ZNF160: variants seen among roughly 807,000 people sequenced by gnomAD.
ZNF160 encodes KRAB zinc finger protein KR18.
In ZNF160, 9 loss-of-function variants were observed where a neutral mutation model predicts 13.1. That is an observed-to-expected ratio of 0.69 (90% CI 0.41 to 1.20). The LOEUF (loss-of-function observed/expected upper bound fraction) is 1.20. Ranked by LOEUF, ZNF160 falls within the 50% of genes most tolerant of loss-of-function variation. The pLI, the probability that ZNF160 is intolerant of heterozygous loss-of-function variation, is 0.01. For synonymous variants in ZNF160, 293 were observed against 333.2 expected, an observed-to-expected ratio of 0.88 and a Z score of 1.31; for missense variants, 838 against 988.0, an observed-to-expected ratio of 0.85 and a Z score of 2.04.
At chr19:53,082,965 AG>A (rs1325966185) in intron 3 of ZNF160, among the ~76,000 whole-genome samples, 5 of 152,198 alleles carry the variant, frequency 3.3e-5, no homozygotes, top group African/African-American at 4.8e-5. Flanking sequence ...CACAGACCTC[AG>A]GGAGACACTT....
intron 1 of ZNF160, among the ~76,000 whole-genome samples, chr19:53,096,206 G>GA (rs1341746610): frequency 2.0e-5 from 3 of 152,210 alleles, no homozygotes; most frequent in African/African-American, 7.2e-5. Flanking sequence ...GAGACAGAAC[G>GA]AGACTCCGTC....
chr19:53,075,238 C>T, intron 3 of ZNF160, 55 bp from the exon 4 acceptor site: 1 of 1,597,602 alleles, frequency 6.3e-7, no homozygotes, highest in East Asian at 2.2e-5. Context: ...CAAAATTTCA[C>T]ATAAAAGGAG....
At chr19:53,071,488 T>C (rs1392171889) in intron 5 of ZNF160, among the ~76,000 whole-genome samples, 2 of 147,644 alleles carry the variant, frequency 1.4e-5, no homozygotes, top group African/African-American at 5.0e-5. Flanking sequence ...GGAGGTGAGG[T>C]TGCGCCACTG....
intron 1 of ZNF160, among the ~76,000 whole-genome samples, chr19:53,096,791 A>G (rs1240236382): frequency 3.1e-5 from 4 of 128,622 alleles, no homozygotes; most frequent in African/African-American, 1.2e-4. Context: ...CGCCTGGGGA[A>G]GCATTAGTTT....
chr19:53,103,199 C>G (rs1389547440), intron 1 of ZNF160, 66 bp downstream of exon 1: 1 of 152,260 alleles, frequency 6.6e-6, no homozygotes, highest in Non-Finnish European at 1.5e-5. Context: ...GGGGCAGGGA[C>G]CAGCCTCAGG....
At chr19:53,075,928 A>G (rs764378787) in intron 3 of ZNF160, 1 of 418,182 alleles carries the variant, frequency 2.4e-6, no homozygotes, top group Non-Finnish European at 4.8e-6. Flanking sequence ...ATGGGAGCTG[A>G]CCCTATATCC....
intron 1 of ZNF160, among the ~76,000 whole-genome samples, chr19:53,099,623 T>C (rs2085371180): frequency 6.6e-6 from 1 of 152,224 alleles, no homozygotes; most frequent in African/African-American, 2.4e-5. Context: ...TCCATCCTTG[T>C]GGTTTTGGTT....
intron 1 of ZNF160, among the ~76,000 whole-genome samples, chr19:53,102,066 T>C (rs1173286889): frequency 1.3e-5 from 2 of 152,000 alleles, no homozygotes; most frequent in Non-Finnish European, 2.9e-5. Context: ...ATCTTCCCCC[T>C]AGGATTCTGA....
rs1171653533 is a variant in ZNF160, at chr19:53,091,502, T to A, written c.-135A>T. On this transcript the variant is annotated 5_prime_UTR_variant, in exon 2 of 6. Transcript: ENST00000683776. ...GGCGGGGCCCGGGGCAGGCGCCTCG[T>A]GCAGAGAGGCCAGGAGTTGGGAGGT... 1 of 150,696 alleles carries A rather than the reference T, an allele frequency of 6.6e-6. No individual in the cohort carries two copies. The highest frequency in any genetic ancestry group is 1.5e-5 in the Non-Finnish European group (1 of 67,764). 9.3% of individuals were successfully genotyped at this position (150,696 alleles called of 1,614,324 possible). A position where few individuals can be genotyped will look rare whatever the true frequency, so the allele number is the denominator to read the frequency against.
At chr19:53,085,814 C>T (rs2084809105) in intron 3 of ZNF160, 3 of 478,590 alleles carry the variant, frequency 6.3e-6, no homozygotes, top group Non-Finnish European at 1.1e-5. Context: ...CTCACTTGTT[C>T]GGCTTCAAAT....
chr19:53,100,585 G>C (rs1420714062), intron 1 of ZNF160, among the ~76,000 whole-genome samples: 2 of 152,002 alleles, frequency 1.3e-5, no homozygotes, highest in African/African-American at 4.8e-5. Flanking sequence ...ACTCCAGCCT[G>C]GGCGACAGAG....
chr19:53,086,658 C>T (rs2084847096), intron 2 of ZNF160, among the ~76,000 whole-genome samples: 1 of 152,294 alleles, frequency 6.6e-6, no homozygotes, highest in African/African-American at 2.4e-5. Context: ...CACAGCCCCC[C>T]TCACCTCTCT....
intron 4 of ZNF160, 90 bp downstream of exon 4, chr19:53,074,967 A>G (rs2084328762): frequency 1.9e-6 from 3 of 1,567,144 alleles, no homozygotes; most frequent in Non-Finnish European, 8.8e-7. Context: ...ATCTCAGTCA[A>G]GCAATGCAGG....
In ZNF160 at chr19:53,080,107, C is replaced by CT. The variant is rs60598879; in HGVS notation, c.16-4925dup. On this transcript the variant is annotated intron_variant, in intron 3 of 5. Transcript: ENST00000683776. ...AATCAAGGTACAAAAATCAGCAGTA[C>CT]TTTTTTTTTTTTTTTTGAGATGGAG... 1.9e-3 allele frequency among the ~76,000 whole-genome samples: 261 copies of CT among 140,964 alleles called. 1 individual carries two copies. Among genetic ancestry groups the CT allele is most frequent in the Middle Eastern group, 0.011 (3 of 278 alleles). 92.5% of individuals were successfully genotyped at this position (140,964 alleles called of 152,430 possible).
intron 3 of ZNF160, among the ~76,000 whole-genome samples, chr19:53,079,769 G>A (rs535071134): frequency 3.6e-4 from 55 of 151,760 alleles, no homozygotes; most frequent in African/African-American, 1.3e-3. Flanking sequence ...AGAGCAATCA[G>A]GCGAGAGAAA....
chr19:53,072,859 A>T (rs1207917485), intron 5 of ZNF160: 10 of 737,514 alleles, frequency 1.4e-5, no homozygotes, highest in Non-Finnish European at 1.7e-5. Flanking sequence ...TTAAAAAAAA[A>T]ATTATTGTCC....
chr19:53,073,227 G>C, intron 5 of ZNF160: 1 of 1,449,126 alleles, frequency 6.9e-7, no homozygotes, highest in Non-Finnish European at 9.1e-7. Flanking sequence ...TGCAGTACTT[G>C]TATTTCTGTG....
intron 1 of ZNF160, among the ~76,000 whole-genome samples, chr19:53,092,234 C>A (rs1357125912): frequency 1.3e-5 from 2 of 152,244 alleles, no homozygotes; most frequent in East Asian, 1.9e-4. Context: ...CCTGTAAAAT[C>A]ATCTTCAGAA....
chr19:53,068,844 G>A lies in ZNF160; in HGVS notation c.1690C>T (p.Pro564Ser), dbSNP rs760705364. 31 of 1,614,152 alleles carry A rather than the reference G, an allele frequency of 1.9e-5. No homozygotes were observed. In the South Asian group the frequency reaches 3.4e-4, roughly 18 times the overall value. Residue 564 changes from proline (P) to serine (S), a missense_variant, in exon 6 of 6, where the codon CCT (proline) becomes TCT (serine). Transcript: ENST00000683776. ...SHRGIHSGEK[P>S]YKCNECGKVF... ...TTACCACATTCATTACACTTGTAAG[G>A]TTTCTCTCCAGAATGAATTCCCCGA...
Sources: allele counts gnomAD v4.1 joint callset (sites outside exome capture counted in the v4.1 genomes callset), GRCh38; gene constraint gnomAD v4.1.1; transcripts MANE v1.5; gene names NCBI Gene and HGNC (gene_info 2026-07-23, HGNC 2026-07-21).